The following CLEC16A variants were observed in gnomAD, a reference collection of about 807,000 sequenced individuals.
CLEC16A encodes C-type lectin domain containing 16A, also known as protein CLEC16A.
Under a neutral mutation model 109.5 loss-of-function variants are expected in CLEC16A, and 51 were observed. The observed-to-expected ratio is 0.47, with a 90% confidence interval of 0.37 to 0.59. The LOEUF (loss-of-function observed/expected upper bound fraction) is 0.59. Ranked by LOEUF, CLEC16A falls within the 20% of genes least tolerant of loss-of-function variation. CLEC16A has a pLI of 0.00. For missense variants in CLEC16A, 1,339 were observed against 1,394.0 expected (o/e 0.96, Z 0.63); for synonymous variants, 673 against 564.2 (o/e 1.19, Z -2.73).
At chr16:11,028,843 T>C (rs545589133) in intron 13 of CLEC16A, among the ~76,000 whole-genome samples, 1 of 152,384 alleles carries the variant, frequency 6.6e-6, no homozygotes, top group Non-Finnish European at 1.5e-5. Context: ...CTGTAAGCAC[T>C]GCTTTACCTG....
At chr16:11,125,945 G>T in intron 21 of CLEC16A, 34 bp from the exon 22 acceptor site, 1 of 1,400,460 alleles carries the variant, frequency 7.1e-7, no homozygotes, top group Non-Finnish European at 9.5e-7. Context: ...TATCCCACAT[G>T]CTCAGAGTGA....
intron 17 of CLEC16A, among the ~76,000 whole-genome samples, chr16:11,050,096 G>A (rs1407220081): frequency 6.6e-6 from 1 of 152,222 alleles, no homozygotes; most frequent in East Asian, 1.9e-4. Context: ...AATATCAGGT[G>A]CCAGCATTTG....
Position 11,174,096 on chromosome 16 carries a change from C to A in CLEC16A, c.2807-4239C>A. The A allele has an allele frequency of 2.2e-6, 1 of 445,256 alleles. No individual in the cohort carries two copies. The allele number at this position is 445,256 out of a possible 1,614,324, so 27.6% of individuals were successfully genotyped here. On this transcript the variant is annotated intron_variant, in intron 23 of 23. Coordinates refer to ENST00000409790, the MANE Select transcript of CLEC16A (RefSeq NM_015226.3). This position sits in a 1 kb window ranked among gnomAD's most constrained non-coding sequence, Gnocchi z 4.7. The stretch of plus-strand genomic sequence containing the variant: ...GCTGCTCAGTGTCCCCTCCATGTCG[C>A]CTCTGCCGTCCCATTGTTAAAGGCT...
chr16:11,076,940 T>C (rs1173598330), intron 19 of CLEC16A, among the ~76,000 whole-genome samples: 1 of 152,202 alleles, frequency 6.6e-6, no homozygotes, highest in Non-Finnish European at 1.5e-5. Flanking sequence ...TCTATTCAGA[T>C]TAGGCAGAAA....
chr16:11,166,822 G>T (rs1476502978), intron 23 of CLEC16A, among the ~76,000 whole-genome samples: 1 of 152,210 alleles, frequency 6.6e-6, no homozygotes, highest in Non-Finnish European at 1.5e-5. Context: ...TGGGCAGCAG[G>T]CGGGCTGCAC....
chr16:11,012,160 A>C (rs749439907), intron 11 of CLEC16A, among the ~76,000 whole-genome samples: 17 of 152,170 alleles, frequency 1.1e-4, no homozygotes, highest in South Asian at 1.0e-3. Context: ...AACCAATTTT[A>C]CCATAGGTGA....
intron 19 of CLEC16A, among the ~76,000 whole-genome samples, chr16:11,110,041 CAA>C (rs891817916): frequency 6.6e-5 from 10 of 152,140 alleles, no homozygotes; most frequent in African/African-American, 2.4e-4. Flanking sequence ...TAAAATACAG[CAA>C]AAGTCAGTCA....
chr16:11,104,317 T>C (rs981932238), intron 19 of CLEC16A, among the ~76,000 whole-genome samples: 1 of 151,752 alleles, frequency 6.6e-6, no homozygotes, highest in Non-Finnish European at 1.5e-5. Context: ...GTCATAGAGA[T>C]GGGGTCTCAC....
At position 11,178,867 on chromosome 16, in the gene CLEC16A, C is replaced by A; in HGVS notation, c.*177C>A. 1.8e-6 allele frequency: 1 copy of A among 553,874 alleles called. No homozygotes were observed. Among genetic ancestry groups the A allele is most frequent in the Non-Finnish European group, 3.1e-6 (1 of 318,914 alleles). 34.3% of individuals were successfully genotyped at this position (553,874 alleles called of 1,614,324 possible). ...GAAGCCCCACGTTGTCCTTGAATTCCTTTTTCACTTTGCATCTCTTCACGT... is the reference window on the plus strand; with the variant it reads ...GAAGCCCCACGTTGTCCTTGAATTCATTTTTCACTTTGCATCTCTTCACGT... On this transcript the variant is annotated 3_prime_UTR_variant, in exon 24 of 24. Transcript: ENST00000409790. This position sits in a 1 kb window ranked among gnomAD's most constrained non-coding sequence, Gnocchi z 6.5.
chr16:11,121,292 T>C (rs1381546155), intron 20 of CLEC16A, among the ~76,000 whole-genome samples: 4 of 152,240 alleles, frequency 2.6e-5, no homozygotes, highest in Admixed American at 2.6e-4. Flanking sequence ...CCGTGTCGGC[T>C]ATTTCCAGTT....
intron 18 of CLEC16A, among the ~76,000 whole-genome samples, chr16:11,055,528 T>C (rs571874703): frequency 1.2e-4 from 17 of 147,494 alleles, no homozygotes; most frequent in Admixed American, 2.0e-4. Flanking sequence ...GGTAGCGCTT[T>C]GCAGGCCGTG....
chr16:10,959,895 G>A (rs768824967), intron 2 of CLEC16A, among the ~76,000 whole-genome samples: 2 of 151,880 alleles, frequency 1.3e-5, no homozygotes, highest in Non-Finnish European at 1.5e-5. Context: ...TTACAGGCAT[G>A]AGCTACTGCA....
chr16:11,168,064 C>T (rs577524231), intron 23 of CLEC16A, among the ~76,000 whole-genome samples: 2 of 152,280 alleles, frequency 1.3e-5, no homozygotes, highest in Admixed American at 1.3e-4. Flanking sequence ...CAGCCAACAG[C>T]TAAGTGAACA....
rs1417917973 is a variant in CLEC16A, at chr16:11,045,556, G to A, written c.1815+1484G>A. 2.0e-5 allele frequency among the ~76,000 whole-genome samples: 3 copies of A among 152,110 alleles called. No individual in the cohort carries two copies. The South Asian group carries it at 6.2e-4, about 32-fold the overall frequency. On this transcript the variant is annotated intron_variant, in intron 16 of 23. Transcript: ENST00000409790. ...CATATGAATTTGGGTGGTGGGGGGT[G>A]GTGGGGAGCAGAAACACTCAGGCCT...
chr16:11,078,848 G>T (rs560175473), intron 19 of CLEC16A, among the ~76,000 whole-genome samples: 1 of 152,156 alleles, frequency 6.6e-6, no homozygotes, highest in African/African-American at 2.4e-5. Context: ...CTGGCAGCCC[G>T]AGAGGCCTGT....
At position 11,174,324 on chromosome 16, in the gene CLEC16A, C is replaced by T. The variant is rs550454212; in HGVS notation, c.2807-4011C>T. The T allele has an allele frequency of 1.1e-4, 47 of 428,582 alleles. No individual in the cohort carries two copies. In the East Asian group the frequency reaches 3.0e-3, roughly 27 times the overall value. 26.5% of individuals were successfully genotyped at this position (428,582 alleles called of 1,614,324 possible). A position where few individuals can be genotyped will look rare whatever the true frequency, so the allele number is the denominator to read the frequency against. ...CTCGGGCCGCGACGTCCACTCGCCA[C>T]GCTGCATTTCCACAGTCGGCAGGGT... is the stretch of plus-strand genomic sequence containing the variant. On this transcript the variant is annotated intron_variant, in intron 23 of 23. Transcript: ENST00000409790. This position sits in a 1 kb window ranked among gnomAD's most constrained non-coding sequence, Gnocchi z 4.7.
intron 19 of CLEC16A, among the ~76,000 whole-genome samples, chr16:11,088,730 C>T (rs564164467): frequency 6.6e-6 from 1 of 152,220 alleles, no homozygotes; most frequent in Admixed American, 6.5e-5. Context: ...AAAACCTTAG[C>T]ATTGGCTGGA....
intron 12 of CLEC16A, among the ~76,000 whole-genome samples, chr16:11,022,568 C>T (rs1282528330): frequency 1.3e-5 from 2 of 151,824 alleles, no homozygotes; most frequent in Non-Finnish European, 2.9e-5. Flanking sequence ...TTTATATTCC[C>T]CATATATTAT....
At chr16:11,157,493 T>C (rs991140391) in intron 22 of CLEC16A, among the ~76,000 whole-genome samples, 6 of 152,236 alleles carry the variant, frequency 3.9e-5, no homozygotes, top group Admixed American at 6.5e-5. Context: ...ATTAAAGGGA[T>C]ACTGAAAAGG....
Sources: gnomAD v4.1 joint callset for allele counts (sites outside exome capture counted in the v4.1 genomes callset) on GRCh38, gnomAD v4.1.1 for gene constraint, Gnocchi (gnomAD v3.1) non-coding constraint, MANE v1.5 for transcripts, NCBI Gene and HGNC (gene_info 2026-07-23, HGNC 2026-07-21) for gene names.